Variants in PKD1 observed in about 807,000 individuals in gnomAD.
PKD1 encodes polycystin-1.
In PKD1, 81 loss-of-function variants were observed where a neutral mutation model predicts 361.7. The ratio of observed to expected loss-of-function variants is 0.22; its 90% confidence interval spans 0.19 to 0.27. The LOEUF (loss-of-function observed/expected upper bound fraction) is 0.27. PKD1 is among the 10% of genes least tolerant of loss of function. The pLI, the probability that PKD1 is intolerant of heterozygous loss-of-function variation, is 1.00. For missense variants in PKD1, 6,399 were observed against 6,118.3 expected (o/e 1.05, Z -1.53); for synonymous variants, 3,615 against 2,818.3 (o/e 1.28, Z -8.95).
At chr16:2,122,409 A>C (rs1000552320) in intron 1 of PKD1, among the ~76,000 whole-genome samples, 3 of 152,176 alleles carry the variant, frequency 2.0e-5, no homozygotes, top group East Asian at 1.9e-4. Context: ...CGGCAGGGCC[A>C]CCACTTCCCC....
rs181810648 is a variant in PKD1, at chr16:2,124,089, G to A, written c.216-4711C>T. 3.5e-3 allele frequency among the ~76,000 whole-genome samples: 527 copies of A among 152,280 alleles called. 4 individuals are homozygous for A. Among genetic ancestry groups the A allele is most frequent in the African/African-American group, 0.012 (506 of 41,548 alleles). ...AGTCCCAGGTGTGTGGCCACAGTAC[G>A]GGTCTTCACCCCTTCCCAGCACCCT... On this transcript the variant is annotated intron_variant, in intron 1 of 45. Coordinates refer to ENST00000262304, the MANE Select transcript of PKD1 (RefSeq NM_001009944.3).
chr16:2,116,921 C>G lies in PKD1; in HGVS notation c.1518G>C (p.Glu506Asp), dbSNP rs1401462431. 6.6e-7 allele frequency: 1 copy of G among 1,519,142 alleles called. No homozygotes were observed. Among genetic ancestry groups the G allele is most frequent in the Non-Finnish European group, 8.9e-7 (1 of 1,129,742 alleles). The allele number at this position is 1,519,142 out of a possible 1,614,324, so 94.1% of individuals were successfully genotyped here. A position where few individuals can be genotyped will look rare whatever the true frequency, so the allele number is the denominator to read the frequency against. ...CGGTGGGCCCGAGCCGGACGCAGTGCTCGGCTGTGGCTGGGTGTGGCTCCC... is the reference window on the plus strand; with the variant it reads ...CGGTGGGCCCGAGCCGGACGCAGTGGTCGGCTGTGGCTGGGTGTGGCTCCC... ...LPGEPHPATAEHCVRLGPTGW... is the reference protein window; with the variant it reads ...LPGEPHPATADHCVRLGPTGW... Residue 506 changes from glutamate to aspartate, a missense_variant, in exon 7 of 46, where the codon GAG becomes GAC. Coordinates refer to ENST00000262304, the MANE Select transcript of PKD1 (RefSeq NM_001009944.3).
intron 26 of PKD1, among the ~76,000 whole-genome samples, chr16:2,101,261 G>A (rs974363984): frequency 3.9e-5 from 6 of 152,146 alleles, no homozygotes; most frequent in Non-Finnish European, 7.4e-5. Context: ...TCGGATTACA[G>A]GTGTGAGCCA....
At position 2,092,563 on chromosome 16, in the gene PKD1, T is replaced by A; in HGVS notation, c.11186A>T (p.His3729Leu). The A allele has an allele frequency of 6.2e-7, 1 of 1,612,210 alleles. No individual in the cohort carries two copies. The highest frequency in any genetic ancestry group is 8.5e-7 in the Non-Finnish European group (1 of 1,179,662). Residue 3729 changes from histidine (H) to leucine (L), a missense_variant, in exon 39 of 46, where the codon CAC becomes CTC. His to Leu is a moderately conservative substitution (Grantham distance 99). Transcript: ENST00000262304. The part of the protein sequence containing the change: ...RSEELWPWMA[H>L]VLLPYVHGNQ... ...CCCGTGGACGTAGGGCAGCAGCACG[T>A]GGGCCATCCATGGCCAGAGCTCCTC...
In PKD1 at chr16:2,108,129, A is replaced by C; in HGVS notation, c.6916-97T>G. 6.7e-6 allele frequency: 10 copies of C among 1,482,088 alleles called. No homozygotes were observed. The South Asian group carries it at 1.2e-4, about 17-fold the overall frequency. The allele number at this position is 1,482,088 out of a possible 1,614,324, so 91.8% of individuals were successfully genotyped here. The stretch of plus-strand genomic sequence containing the variant: ...AGACAGCGCGGGAGACCCCCTCCCC[A>C]TGCTGGGACGGGGCCCACCAGGCAC... On this transcript the variant is annotated intron_variant, in intron 15 of 45. Coordinates refer to ENST00000262304, the MANE Select transcript of PKD1 (RefSeq NM_001009944.3).
rs1015381163 is a variant in PKD1, at chr16:2,119,292, C to T, written c.287+15G>A. The T allele has an allele frequency of 1.1e-4, 116 of 1,096,632 alleles. No individual in the cohort carries two copies. The highest frequency in any genetic ancestry group is 1.4e-4 in the Non-Finnish European group (108 of 746,882). The allele number at this position is 1,096,632 out of a possible 1,614,324, so 67.9% of individuals were successfully genotyped here. On this transcript the variant is annotated intron_variant, in intron 2 of 45. Transcript: ENST00000262304. ...GAGTGAGCCCCGCATGCTGGCACGA[C>T]TGGGGGACACTCACAGCTCTGCCAG...
chr16:2,126,172 T>C (rs1307859192), intron 1 of PKD1, among the ~76,000 whole-genome samples: 1 of 152,228 alleles, frequency 6.6e-6, no homozygotes, highest in Non-Finnish European at 1.5e-5. Context: ...AGGGCCACGA[T>C]GCACAGTGGA....
intron 1 of PKD1, among the ~76,000 whole-genome samples, chr16:2,129,610 G>C (rs1275414500): frequency 6.9e-6 from 1 of 145,840 alleles, no homozygotes; most frequent in Non-Finnish European, 1.5e-5. Context: ...GAGTGCAGTG[G>C]TGTGATCACA....
chr16:2,098,391 G>T (rs2091939296), intron 30 of PKD1, among the ~76,000 whole-genome samples: 2 of 151,386 alleles, frequency 1.3e-5, no homozygotes, highest in Non-Finnish European at 2.9e-5. Context: ...TGTATTTTTA[G>T]TAGAGACGGG....
intron 1 of PKD1, among the ~76,000 whole-genome samples, chr16:2,129,252 T>C (rs1048817044): frequency 1.4e-5 from 2 of 146,778 alleles, no homozygotes; most frequent in African/African-American, 5.0e-5. Context: ...CTCAACCTCA[T>C]AGACTCAGGG....
chr16:2,127,904 G>C (rs1278326998), intron 1 of PKD1, among the ~76,000 whole-genome samples: 1 of 130,510 alleles, frequency 7.7e-6, no homozygotes. Flanking sequence ...GGATGAGCCA[G>C]GGAGGGAGAG....
In PKD1 at chr16:2,109,964, T is replaced by A. The variant is rs1064796417; in HGVS notation, c.5203A>T (p.Ser1735Cys). The change falls in exon 15 of 46, where the codon AGC becomes TGC. Residue 1735 changes from serine (S) to cysteine (C), a missense_variant. Ser to Cys is a moderately radical substitution (Grantham distance 112). Coordinates refer to ENST00000262304, the MANE Select transcript of PKD1 (RefSeq NM_001009944.3). ...GCCAGCTCGGCACTGAGGGTGACGC[T>A]TGTGTTGACGGCAGCTGGGTTCGGG... is the stretch of plus-strand genomic sequence containing the variant. ...ASPNPAAVNT[S>C]VTLSAELAGG... The A allele has an allele frequency of 2.0e-5, 33 of 1,609,936 alleles. No homozygotes were observed. Among genetic ancestry groups the A allele is most frequent in the Non-Finnish European group, 2.7e-5 (32 of 1,179,438 alleles).
rs768145926 is a variant in PKD1, at chr16:2,119,146, T to C, written c.327A>G (p.Gly109=). ...SNNKISTLEE[G]IFANLFNLSE... ...TTAAATTAAATAAATTAGCAAATAT[T>C]CCTTCTTCTAACGTAGAAATCTTGT... is the stretch of plus-strand genomic sequence containing the variant. The change falls in exon 3 of 46, where the codon GGA becomes GGG. Residue 109 remains glycine (G), a synonymous_variant. Coordinates refer to ENST00000262304, the MANE Select transcript of PKD1 (RefSeq NM_001009944.3). The C allele has an allele frequency of 2.7e-6, 4 of 1,473,582 alleles. No homozygotes were observed. Among genetic ancestry groups the C allele is most frequent in the Admixed American group, 1.7e-5 (1 of 59,506 alleles). The allele number at this position is 1,473,582 out of a possible 1,614,324, so 91.3% of individuals were successfully genotyped here.
rs919505125 is a variant in PKD1, at chr16:2,090,977, G to A, written c.11910C>T (p.Arg3970=). 2.6e-6 allele frequency: 4 copies of A among 1,539,124 alleles called. No homozygotes were observed. The highest frequency in any genetic ancestry group is 2.6e-6 in the Non-Finnish European group (3 of 1,148,506). Residue 3970 remains arginine, a synonymous_variant, in exon 43 of 46, where the codon CGC becomes CGT. Coordinates refer to ENST00000262304, the MANE Select transcript of PKD1 (RefSeq NM_001009944.3). The part of the protein sequence containing the change: ...DRQWTRFVRG[R]PRRFTSFDQV... ...GGTCGAAGCTAGTGAAGCGGCGCGG[G>A]CGGCCGCGCACGAAACGGGTCCACT...
Position 2,110,365 on chromosome 16 carries a change from A to G in PKD1, c.4802T>C (p.Phe1601Ser). The G allele has an allele frequency of 1.2e-6, 2 of 1,612,576 alleles. No homozygotes were observed. Among genetic ancestry groups the G allele is most frequent in the Non-Finnish European group, 1.7e-6 (2 of 1,179,832 alleles). Residue 1601 changes from phenylalanine to serine, a missense_variant, in exon 15 of 46, where the codon TTC (phenylalanine) becomes TCC (serine). Physicochemically the swap from Phe to Ser is radical, Grantham distance 155. Transcript: ENST00000262304. The stretch of plus-strand genomic sequence containing the variant: ...GATATTGAAGGTGCCCACGGAGCGG[A>G]AGGTGTAAGAGATGGTAGGACCCCC... ...IPGGPTISYT[F>S]RSVGTFNIIV...
intron 37 of PKD1, 67 bp downstream of exon 37, chr16:2,093,477 G>T: frequency 1.4e-6 from 2 of 1,420,612 alleles, no homozygotes; most frequent in Middle Eastern, 2.2e-4. Context: ...AGTGTCCTGC[G>T]TGCATGGGTG....
In PKD1 at chr16:2,114,808, G is replaced by A. The variant is rs747483368; in HGVS notation, c.2215C>T (p.Arg739Trp). 1 of 961,230 alleles carries A rather than the reference G, an allele frequency of 1.0e-6. No homozygotes were observed. 59.5% of individuals were successfully genotyped at this position (961,230 alleles called of 1,614,324 possible). A position where few individuals can be genotyped will look rare whatever the true frequency, so the allele number is the denominator to read the frequency against. The change falls in exon 11 of 46, where the codon CGG becomes TGG. Residue 739 changes from arginine (R) to tryptophan (W), a missense_variant. Transcript: ENST00000262304. ...GCGTTGGCGGAGAGGTACGGGGCCC[G>A]GGGACCAGGGTGGCCGGGAGCCGGC... ...CSPAPGHPGP[R>W]APYLSANASS...
intron 26 of PKD1, among the ~76,000 whole-genome samples, chr16:2,101,094 T>A (rs1232567950): frequency 2.0e-5 from 3 of 151,946 alleles, no homozygotes; most frequent in Non-Finnish European, 4.4e-5. Context: ...CACGCCATTC[T>A]CCTGCCTCAG....
In PKD1 at chr16:2,114,705, G is replaced by C; in HGVS notation, c.2318C>G (p.Ala773Gly). The C allele has an allele frequency of 2.0e-6, 3 of 1,534,230 alleles. No individual in the cohort carries two copies. In the South Asian group the frequency reaches 3.6e-5, roughly 18 times the overall value. ...ACPACALRLL[A>G]ATEQLTVLLG... is the part of the protein sequence containing the mutation. The stretch of plus-strand genomic sequence containing the variant: ...CAGCACGGTGAGCTGTTCCGTGGCT[G>C]CAAGCAGCCGCAGGGCACAGGCAGG... The change falls in exon 11 of 46, where the codon GCA becomes GGA. Residue 773 changes from alanine to glycine, a missense_variant. By Grantham distance (60) the Ala-to-Gly change is moderately conservative. Transcript: ENST00000262304.
Sources: allele counts gnomAD v4.1 joint callset (sites outside exome capture counted in the v4.1 genomes callset), GRCh38; gene constraint gnomAD v4.1.1; transcripts MANE v1.5; gene names NCBI Gene and HGNC (gene_info 2026-07-23, HGNC 2026-07-21).